The following ASPG variants were observed in gnomAD, a reference collection of about 807,000 sequenced individuals.
ASPG encodes 60 kDa lysophospholipase.
ASPG carries 53 observed loss-of-function variants against 63.2 expected under a neutral mutation model. The observed-to-expected ratio is 0.84, with a 90% confidence interval of 0.67 to 1.05. The LOEUF (loss-of-function observed/expected upper bound fraction) is 1.05. ASPG is among the 50% of genes least tolerant of loss of function. The pLI is 0.00. For missense variants in ASPG, 741 were observed against 794.4 expected, an observed-to-expected ratio of 0.93 and a Z score of 0.81; for synonymous variants, 370 against 355.0, an observed-to-expected ratio of 1.04 and a Z score of -0.48.
At chr14:104,106,352 C>T (rs34327077) in intron 10 of ASPG, among the ~76,000 whole-genome samples, 17,618 of 152,248 alleles carry the variant, frequency 0.12, 1,214 homozygotes, top group Middle Eastern at 0.17. Flanking sequence ...TCCTGGTGCC[C>T]GGTGCTGGGG....
Position 104,085,742 on chromosome 14 carries a change from C to G in ASPG, c.-29C>G. ...GGCCCTGCGTCCCCGCTGCACACCC[C>G]CGTCCACTCCCGTGGTCCCCGGTCC... On this transcript the variant is annotated 5_prime_UTR_variant, in exon 1 of 16. Coordinates refer to ENST00000551177, the MANE Select transcript of ASPG (RefSeq NM_001080464.3). 4 of 1,555,656 alleles carry G rather than the reference C, an allele frequency of 2.6e-6. No homozygotes were observed. Among genetic ancestry groups the G allele is most frequent in the Non-Finnish European group, 3.4e-6 (4 of 1,160,432 alleles).
chr14:104,105,578 G>A (rs932023207), intron 10 of ASPG, 128 bp downstream of exon 10: 20 of 1,290,970 alleles, frequency 1.5e-5, no homozygotes, highest in Non-Finnish European at 2.0e-5. Flanking sequence ...AGGCACACCC[G>A]GGTTCTGGGG....
chr14:104,109,063 G>A lies in ASPG; in HGVS notation c.1434-166G>A. ...CCGGGATGATGTCACATGGGCCTAG[G>A]CAGAGGATGGGGGGATGGGCCCTTG... On this transcript the variant is annotated intron_variant, in intron 12 of 15. Coordinates refer to ENST00000551177, the MANE Select transcript of ASPG (RefSeq NM_001080464.3). The surrounding 1 kb of genome is among the most constrained non-coding windows in gnomAD (Gnocchi z 4.8). The A allele has an allele frequency of 1.0e-6, 1 of 985,410 alleles. No individual in the cohort carries two copies. Among genetic ancestry groups the A allele is most frequent in the Non-Finnish European group, 1.2e-6 (1 of 829,926 alleles). 61.0% of individuals were successfully genotyped at this position (985,410 alleles called of 1,614,324 possible). A position where few individuals can be genotyped will look rare whatever the true frequency, so the allele number is the denominator to read the frequency against.
chr14:104,104,528 C>T (rs1289793332), intron 8 of ASPG, 42 bp downstream of exon 8: 1 of 1,598,518 alleles, frequency 6.3e-7, no homozygotes, highest in African/African-American at 1.3e-5. Context: ...AGGGGACAGC[C>T]TGAGGGCCTG....
At chr14:104,108,938 C>T (rs1434305197) in intron 12 of ASPG, 2 of 985,284 alleles carry the variant, frequency 2.0e-6, no homozygotes, top group East Asian at 2.3e-4. Flanking sequence ...AATGCCCTCC[C>T]CTGGGTGCTG....
At position 104,109,869 on chromosome 14, in the gene ASPG, G is replaced by A; in HGVS notation, c.1520+554G>A. ...TGGCCAGTGTGCCTTCCGATCTCAT[G>A]CTGCCGAGTGACCACCGAGGCAGGC... On this transcript the variant is annotated intron_variant, in intron 13 of 15. Coordinates refer to ENST00000551177, the MANE Select transcript of ASPG (RefSeq NM_001080464.3). The surrounding 1 kb of genome is among the most constrained non-coding windows in gnomAD (Gnocchi z 4.8). 1.2e-6 allele frequency: 1 copy of A among 848,868 alleles called. No homozygotes were observed. The highest frequency in any genetic ancestry group is 1.4e-6 in the Non-Finnish European group (1 of 705,472). 52.6% of individuals were successfully genotyped at this position (848,868 alleles called of 1,614,324 possible).
At chr14:104,096,556 G>A (rs1421394799) in intron 4 of ASPG, among the ~76,000 whole-genome samples, 3 of 152,174 alleles carry the variant, frequency 2.0e-5, no homozygotes, top group Non-Finnish European at 2.9e-5. Context: ...GAGGGACAGG[G>A]CTCCAGCTGG....
chr14:104,104,804 T>C (rs887149724), intron 9 of ASPG, 69 bp downstream of exon 9: 1 of 1,331,154 alleles, frequency 7.5e-7, no homozygotes, highest in South Asian at 1.4e-5. Flanking sequence ...CCCAGGGGCA[T>C]GTCTGGGGCG....
intron 9 of ASPG, 46 bp from the exon 10 acceptor site, chr14:104,105,282 C>T: frequency 6.2e-7 from 1 of 1,612,380 alleles, no homozygotes; most frequent in African/African-American, 1.3e-5. Flanking sequence ...CCTGGGCTGC[C>T]CATCCAGCCC....
intron 4 of ASPG, 34 bp from the exon 5 acceptor site, chr14:104,097,520 C>T (rs752754412): frequency 1.3e-6 from 2 of 1,543,142 alleles, no homozygotes; most frequent in African/African-American, 2.7e-5. Context: ...TCTGGGCTTC[C>T]CAGGCCTCAG....
chr14:104,097,651 G>A lies in ASPG; in HGVS notation c.513+14G>A. 1.3e-6 allele frequency: 2 copies of A among 1,555,672 alleles called. No individual in the cohort carries two copies. The highest frequency in any genetic ancestry group is 1.7e-6 in the Non-Finnish European group (2 of 1,150,484). ...GTGATCCCAGAGGTACCTGCCTGGT[G>A]CACGTGGAGGCGGGGCAGGTGGGGT... On this transcript the variant is annotated intron_variant, in intron 5 of 15. Coordinates refer to ENST00000551177, the MANE Select transcript of ASPG (RefSeq NM_001080464.3).
At chr14:104,090,615 C>T (rs867936327) in intron 1 of ASPG, among the ~76,000 whole-genome samples, 10 of 152,222 alleles carry the variant, frequency 6.6e-5, no homozygotes, top group Admixed American at 1.3e-4. Flanking sequence ...GGCTTGTGGC[C>T]GCATCACTCC....
Position 104,111,973 on chromosome 14 carries a change from T to A in ASPG, c.1674T>A (p.Gly558=). Residue 558 remains glycine, a synonymous_variant, in exon 15 of 16, where the codon GGT becomes GGA. Coordinates refer to ENST00000551177, the MANE Select transcript of ASPG (RefSeq NM_001080464.3). ...AVVAFLQSLE[G]AVGAQAPCPE... Reference sequence around the variant, plus strand: ...TGGCCTTTCTACAGAGCCTGGAGGGTGCGGTTGGTGCCCAGGCCCCATGCC... The same window carrying A: ...TGGCCTTTCTACAGAGCCTGGAGGGAGCGGTTGGTGCCCAGGCCCCATGCC... 1.9e-6 allele frequency: 3 copies of A among 1,556,058 alleles called. No homozygotes were observed. The highest frequency in any genetic ancestry group is 2.6e-6 in the Non-Finnish European group (3 of 1,149,680).
intron 12 of ASPG, chr14:104,108,402 A>G: frequency 3.0e-6 from 3 of 985,334 alleles, no homozygotes; most frequent in Non-Finnish European, 3.6e-6. Context: ...TCACAGGACC[A>G]GGCTCACAGC....
intron 1 of ASPG, among the ~76,000 whole-genome samples, chr14:104,087,008 T>G (rs1460546103): frequency 1.5e-5 from 1 of 67,722 alleles, no homozygotes; most frequent in Non-Finnish European, 2.7e-5. Flanking sequence ...CAGCTGCCCC[T>G]CCTGGCCACC....
intron 6 of ASPG, among the ~76,000 whole-genome samples, chr14:104,100,880 G>A (rs1269081408): frequency 2.0e-5 from 3 of 152,194 alleles, no homozygotes; most frequent in South Asian, 2.1e-4. Flanking sequence ...CTGCAGGCCC[G>A]GCTCCCCCAT....
chr14:104,098,348 A>G (rs1319346625), intron 5 of ASPG, among the ~76,000 whole-genome samples: 1 of 152,042 alleles, frequency 6.6e-6, no homozygotes, highest in Non-Finnish European at 1.5e-5. Flanking sequence ...CCCAGGAAGG[A>G]GTGTGCAAAG....
At chr14:104,087,126 C>T (rs955514904) in intron 1 of ASPG, among the ~76,000 whole-genome samples, 2 of 152,206 alleles carry the variant, frequency 1.3e-5, no homozygotes, top group Admixed American at 6.5e-5. Context: ...GCCCACTCTG[C>T]GCCCAGCCCA....
chr14:104,108,815 G>A (rs1293200589), intron 12 of ASPG: 1 of 985,440 alleles, frequency 1.0e-6, no homozygotes. Context: ...ATCAGCGTTT[G>A]GGTGTGCAGT....
Sources: gnomAD v4.1 joint callset for allele counts (sites outside exome capture counted in the v4.1 genomes callset) on GRCh38, gnomAD v4.1.1 for gene constraint, Gnocchi (gnomAD v3.1) non-coding constraint, MANE v1.5 for transcripts, NCBI Gene and HGNC (gene_info 2026-07-23, HGNC 2026-07-21) for gene names.